Variants in GPATCH8 observed in about 807,000 individuals in gnomAD.
GPATCH8 encodes the protein G patch domain-containing protein 8.
Under a neutral mutation model 118.3 loss-of-function variants are expected in GPATCH8, and 18 were observed. The observed-to-expected ratio is 0.15, with a 90% CI of 0.11 to 0.23. The LOEUF is 0.23. Among genes scored for constraint, GPATCH8 ranks in the 10% least tolerant of loss-of-function variants. The probability of loss-of-function intolerance (pLI) is 1.00; values close to 1 mark genes in which losing one functional copy is unlikely to be tolerated. For missense variants in GPATCH8, 1,631 were observed against 1,873.8 expected (o/e 0.87, Z 2.39); for synonymous variants, 659 against 684.7 (o/e 0.96, Z 0.59).
intron 1 of GPATCH8, among the ~76,000 whole-genome samples, chr17:44,482,939 G>A (rs529100937): frequency 1.0e-4 from 15 of 149,638 alleles, no homozygotes; most frequent in East Asian, 6.2e-4. Context: ...GGCGGATCAC[G>A]AGGTCAGGAG....
At position 44,422,710 on chromosome 17, in the gene GPATCH8, C is replaced by T. The variant is rs112136927; in HGVS notation, c.492+1639G>A. 5.6e-3 allele frequency among the ~76,000 whole-genome samples: 843 copies of T among 151,586 alleles called. 13 individuals carry two copies. The highest frequency in any genetic ancestry group is 0.02 in the African/African-American group (813 of 41,396). On this transcript the variant is annotated intron_variant, in intron 6 of 7. Coordinates refer to ENST00000591680, the MANE Select transcript of GPATCH8 (RefSeq NM_001002909.4). ...TTTCACCGTGGTCTTGATCTCCTGACCTCGTGATCCGCCCGCCTCGGCCTC... is the reference window on the plus strand; with the variant it reads ...TTTCACCGTGGTCTTGATCTCCTGATCTCGTGATCCGCCCGCCTCGGCCTC...
intron 6 of GPATCH8, among the ~76,000 whole-genome samples, chr17:44,421,394 C>G (rs2049896737): frequency 6.6e-6 from 1 of 151,928 alleles, no homozygotes; most frequent in Non-Finnish European, 1.5e-5. Flanking sequence ...GAGATGGAGT[C>G]TCGCTCTGTC....
intron 1 of GPATCH8, among the ~76,000 whole-genome samples, chr17:44,496,875 T>C (rs910222456): frequency 4.6e-5 from 7 of 152,226 alleles, no homozygotes; most frequent in Non-Finnish European, 8.8e-5. Flanking sequence ...TAATACGATA[T>C]GCATTAAGCA....
At chr17:44,425,248 G>A (rs1310957101) in intron 5 of GPATCH8, among the ~76,000 whole-genome samples, 6 of 152,066 alleles carry the variant, frequency 3.9e-5, no homozygotes, top group Admixed American at 3.9e-4. Context: ...TTTAGAGCAG[G>A]GTAGATGCAT....
intron 4 of GPATCH8, 83 bp downstream of exon 4, chr17:44,436,395 A>C: frequency 1.3e-6 from 1 of 778,838 alleles, no homozygotes; most frequent in Non-Finnish European, 2.4e-6. Flanking sequence ...TGATAAATGT[A>C]TTCTTGCACA....
Position 44,397,760 on chromosome 17 carries a change from G to A in GPATCH8, c.4317C>T (p.Ile1439=), listed in dbSNP as rs943413818. 4 of 1,587,176 alleles carry A rather than the reference G, an allele frequency of 2.5e-6. No homozygotes were observed. Among genetic ancestry groups the A allele is most frequent in the African/African-American group, 1.3e-5 (1 of 74,580 alleles). Residue 1439 remains isoleucine, a synonymous_variant, in exon 8 of 8, where the codon ATC becomes ATT. Transcript: ENST00000591680. ...GGATGGCTGAGGCGGGAATGATGTG[G>A]ATGGGATGGCTAGCGAGAAAGGTGG... is the stretch of plus-strand genomic sequence containing the variant. ...HPATFLASHP[I]HIIPASAIHP... is the part of the protein sequence containing the mutation.
Position 44,398,560 on chromosome 17 carries a change from C to T in GPATCH8, c.3517G>A (p.Glu1173Lys). 5 of 1,577,220 alleles carry T rather than the reference C, an allele frequency of 3.2e-6. No individual in the cohort carries two copies. Among genetic ancestry groups the T allele is most frequent in the Non-Finnish European group, 4.3e-6 (5 of 1,165,446 alleles). Residue 1173 changes from glutamate to lysine, a missense_variant, in exon 8 of 8, where the codon GAA (glutamate) becomes AAA (lysine). Around this residue, in one of 8 missense-constraint regions of GPATCH8, gnomAD observed 922 missense variants for 879.7 expected, o/e 1.05. Transcript: ENST00000591680. ...GGCCCCTCTTCTGTCTCTGACTGTTCTTGCTCTTCCCCCCTTTCCAAGCCA... is the reference window on the plus strand; with the variant it reads ...GGCCCCTCTTCTGTCTCTGACTGTTTTTGCTCTTCCCCCCTTTCCAAGCCA... Reference protein sequence around the residue: ...ESGLERGEEQEQSETEEGPPG... With the variant: ...ESGLERGEEQKQSETEEGPPG...
chr17:44,474,252 A>C (rs1251409407), intron 2 of GPATCH8, among the ~76,000 whole-genome samples: 1 of 152,198 alleles, frequency 6.6e-6, no homozygotes, highest in Admixed American at 6.6e-5. Flanking sequence ...TCCTTGTTCT[A>C]TTGCTTGATA....
intron 1 of GPATCH8, among the ~76,000 whole-genome samples, chr17:44,489,698 G>A (rs1969087988): frequency 1.3e-5 from 2 of 151,532 alleles, no homozygotes; most frequent in Non-Finnish European, 2.9e-5. Context: ...GAGGAAAAAT[G>A]TGATTTCAAA....
intron 1 of GPATCH8, among the ~76,000 whole-genome samples, chr17:44,502,359 G>GGTT (rs1568084155): frequency 6.9e-6 from 1 of 144,050 alleles, no homozygotes. Flanking sequence ...GTAATGCAGT[G>GGTT]TTTTTTTTTT....
intron 3 of GPATCH8, among the ~76,000 whole-genome samples, chr17:44,456,764 T>C (rs1391195378): frequency 1.3e-5 from 2 of 152,222 alleles, no homozygotes; most frequent in Non-Finnish European, 2.9e-5. Context: ...TATACATAAA[T>C]AAAACCAAAG....
chr17:44,415,902 C>T (rs1374145628), intron 6 of GPATCH8, among the ~76,000 whole-genome samples: 1 of 152,196 alleles, frequency 6.6e-6, no homozygotes, highest in Non-Finnish European at 1.5e-5. Context: ...CAAGAGAATG[C>T]CTGGTTTACC....
At chr17:44,486,788 G>GT (rs1406450181) in intron 1 of GPATCH8, 1 of 152,154 alleles carries the variant, frequency 6.6e-6, no homozygotes, top group African/African-American at 2.4e-5. Flanking sequence ...TTTTAGTAAA[G>GT]TTTTAAATTA....
At chr17:44,424,211 T>C in intron 6 of GPATCH8, 138 bp downstream of exon 6, 1 of 685,066 alleles carries the variant, frequency 1.5e-6, no homozygotes, top group South Asian at 1.6e-5. Flanking sequence ...AAAAACAAAG[T>C]GTGTTGGATG....
At chr17:44,460,916 T>C (rs1264709937) in intron 3 of GPATCH8, among the ~76,000 whole-genome samples, 5 of 152,156 alleles carry the variant, frequency 3.3e-5, no homozygotes, top group Non-Finnish European at 7.4e-5. Flanking sequence ...AAGAGGTATG[T>C]GAGAGAAACC....
chr17:44,399,283 CAGA>C lies in GPATCH8; in HGVS notation c.2791_2793del (p.Ser931del), dbSNP rs756015948. 7 of 1,614,056 alleles carry C rather than the reference CAGA, an allele frequency of 4.3e-6. No homozygotes were observed. The East Asian group carries it at 8.9e-5, about 21-fold the overall frequency. On this transcript the variant is annotated inframe_deletion, in exon 8 of 8. Coordinates refer to ENST00000591680, the MANE Select transcript of GPATCH8 (RefSeq NM_001002909.4). ...CTGCAACTGAGGCTATAGTCATCAT[CAGA>C]AGATGAATATTTGTGCCGTTTTGAT...
chr17:44,501,697 C>A (rs1282053201), intron 1 of GPATCH8, among the ~76,000 whole-genome samples: 1 of 152,128 alleles, frequency 6.6e-6, no homozygotes, highest in Non-Finnish European at 1.5e-5. Flanking sequence ...CCCTGAAAAT[C>A]CTGTTTGCTA....
chr17:44,454,085 C>T (rs2051236802), intron 3 of GPATCH8, among the ~76,000 whole-genome samples: 1 of 152,150 alleles, frequency 6.6e-6, no homozygotes, highest in South Asian at 2.1e-4. Context: ...AATATCTATT[C>T]CTCCCTCCTC....
chr17:44,402,165 C>A (rs1275127272), intron 7 of GPATCH8, among the ~76,000 whole-genome samples: 1 of 151,346 alleles, frequency 6.6e-6, no homozygotes, highest in Non-Finnish European at 1.5e-5. Context: ...GCTAAAAATA[C>A]AAAAATTAGC....
Sources: allele counts gnomAD v4.1 joint callset (sites outside exome capture counted in the v4.1 genomes callset), GRCh38; gene constraint gnomAD v4.1.1; regional missense constraint gnomAD v4.1.1; transcripts MANE v1.5; gene names NCBI Gene and HGNC (gene_info 2026-07-23, HGNC 2026-07-21).